Variants in DGKB observed in about 807,000 individuals in gnomAD.
DGKB encodes the protein 90 kDa diacylglycerol kinase.
Under a neutral mutation model 114.3 loss-of-function variants are expected in DGKB, and 67 were observed. The observed-to-expected ratio is 0.59, with a 90% CI of 0.48 to 0.72. DGKB has a LOEUF of 0.72. DGKB is among the 30% of genes least tolerant of loss of function. The pLI, the probability that DGKB is intolerant of heterozygous loss-of-function variation, is 0.00. For synonymous variants in DGKB, 398 were observed against 323.1 expected (o/e 1.23, Z -2.49); for missense variants, 907 against 975.2 (o/e 0.93, Z 0.93).
intron 14 of DGKB, among the ~76,000 whole-genome samples, chr7:14,625,214 C>G (rs907882900): frequency 4.6e-5 from 7 of 152,010 alleles, no homozygotes; most frequent in African/African-American, 1.7e-4. Context: ...CACAGACACA[C>G]GCATCAAGAA....
chr7:14,275,227 A>T (rs139822867), intron 23 of DGKB, among the ~76,000 whole-genome samples: 3 of 152,080 alleles, frequency 2.0e-5, no homozygotes, highest in Non-Finnish European at 2.9e-5. Context: ...TTAAATGTGC[A>T]TATCTTCTCA....
intron 20 of DGKB, among the ~76,000 whole-genome samples, chr7:14,542,525 A>G (rs1793628570): frequency 6.6e-6 from 1 of 152,148 alleles, no homozygotes; most frequent in Non-Finnish European, 1.5e-5. Flanking sequence ...ATCCTAGAGA[A>G]GAAGATTTTC....
intron 20 of DGKB, among the ~76,000 whole-genome samples, chr7:14,513,630 C>T (rs186663969): frequency 6.6e-6 from 1 of 151,954 alleles, no homozygotes; most frequent in East Asian, 1.9e-4. Context: ...AGTTGAAGGT[C>T]ATTTTTAAAC....
chr7:14,406,061 A>C (rs183342555), intron 21 of DGKB, among the ~76,000 whole-genome samples: 29 of 152,132 alleles, frequency 1.9e-4, no homozygotes, highest in Admixed American at 3.3e-4. Context: ...GGTATATTCA[A>C]GAGAAGTTGG....
At chr7:14,572,984 A>T (rs1416498949) in intron 20 of DGKB, among the ~76,000 whole-genome samples, 1 of 152,170 alleles carries the variant, frequency 6.6e-6, no homozygotes, top group East Asian at 1.9e-4. Context: ...AAACTGGGAA[A>T]AAGAGCCAAG....
intron 17 of DGKB, among the ~76,000 whole-genome samples, chr7:14,605,209 T>C (rs1273715066): frequency 6.6e-6 from 1 of 151,992 alleles, no homozygotes; most frequent in Non-Finnish European, 1.5e-5. Context: ...ATGCAGCAGT[T>C]AGAAAAATGA....
chr7:14,777,008 T>G (rs1838302289), intron 2 of DGKB, among the ~76,000 whole-genome samples: 1 of 152,216 alleles, frequency 6.6e-6, no homozygotes, highest in African/African-American at 2.4e-5. Context: ...CTTGCATCAG[T>G]ATGACCTGGA....
At chr7:14,451,583 T>A (rs559562996) in intron 21 of DGKB, among the ~76,000 whole-genome samples, 20 of 145,732 alleles carry the variant, frequency 1.4e-4, no homozygotes, top group African/African-American at 5.2e-4. Context: ...CTCCATCTAA[T>A]CTCCAATTAG....
chr7:14,820,257 C>T (rs926619464), intron 2 of DGKB, among the ~76,000 whole-genome samples: 17 of 152,000 alleles, frequency 1.1e-4, no homozygotes, highest in African/African-American at 3.1e-4. Context: ...TTTTTAAAAA[C>T]ACCTTTTAGA....
intron 23 of DGKB, among the ~76,000 whole-genome samples, chr7:14,286,686 T>C (rs1203497982): frequency 6.6e-6 from 1 of 152,164 alleles, no homozygotes; most frequent in East Asian, 1.9e-4. Context: ...TCTTTCTGGA[T>C]AGGAAACTTT....
At chr7:14,840,988 T>C (rs878961660) in intron 2 of DGKB, among the ~76,000 whole-genome samples, 1 of 152,108 alleles carries the variant, frequency 6.6e-6, no homozygotes, top group South Asian at 2.1e-4. Context: ...TTCCTTTCCT[T>C]CAAGATGTAA....
rs1363403367 is a variant in DGKB at position 14,939,307 on chromosome 7, T to C, written c.-188+35389A>G. Among the ~76,000 whole-genome samples the C allele has an allele frequency of 5.9e-5, 9 of 152,282 alleles. No individual in the cohort carries two copies. The East Asian group carries it at 9.6e-4, about 16-fold the overall frequency. On this transcript the variant is annotated intron_variant, in intron 1 of 4. Transcript: ENST00000437998. Reference sequence around the variant, plus strand: ...AGTCTAGCGCATGCCAAGCCTACAATAGATGTTCAGTAAATGTTTGTTGAG... The same window carrying C: ...AGTCTAGCGCATGCCAAGCCTACAACAGATGTTCAGTAAATGTTTGTTGAG...
intron 2 of DGKB, among the ~76,000 whole-genome samples, chr7:14,831,927 G>A (rs1257922141): frequency 1.3e-5 from 2 of 151,384 alleles, no homozygotes; most frequent in East Asian, 3.9e-4. Flanking sequence ...TCTCACCAAA[G>A]CAAATTGCAA....
intron 20 of DGKB, among the ~76,000 whole-genome samples, chr7:14,519,552 A>C (rs1789402708): frequency 6.6e-6 from 1 of 152,084 alleles, no homozygotes; most frequent in Non-Finnish European, 1.5e-5. Context: ...TGAATATTAC[A>C]TACAACTATT....
At chr7:14,773,588 A>C (rs1837727920) in intron 2 of DGKB, among the ~76,000 whole-genome samples, 1 of 152,138 alleles carries the variant, frequency 6.6e-6, no homozygotes, top group African/African-American at 2.4e-5. Context: ...ACTAAACTGG[A>C]ACAGTGTAGT....
Position 14,150,374 on chromosome 7 carries a change from C to T in DGKB, c.2305-1136G>A, listed in dbSNP as rs974944541. Reference sequence around the variant, plus strand: ...GTTAAAATGAATATCCTTCACTTGTCATTCACTAATAGCAATGAAACAAAA... The same window carrying T: ...GTTAAAATGAATATCCTTCACTTGTTATTCACTAATAGCAATGAAACAAAA... On this transcript the variant is annotated intron_variant, in intron 25 of 25. Transcript: ENST00000402815. Among the ~76,000 whole-genome samples the T allele has an allele frequency of 5.3e-5, 8 of 152,178 alleles. No homozygotes were observed. In the South Asian group the frequency reaches 1.7e-3, roughly 32 times the overall value.
At chr7:14,934,857 A>T (rs867578396) in intron 1 of DGKB, among the ~76,000 whole-genome samples, 1 of 152,186 alleles carries the variant, frequency 6.6e-6, no homozygotes, top group East Asian at 1.9e-4. Flanking sequence ...CCAAGTTTTT[A>T]AATTTAATGC....
chr7:14,388,230 C>T (rs1159804930), intron 21 of DGKB, among the ~76,000 whole-genome samples: 2 of 146,714 alleles, frequency 1.4e-5, no homozygotes, highest in Admixed American at 6.9e-5. Flanking sequence ...AAATCTTCTG[C>T]AGATTTGGTA....
At chr7:14,850,769 T>C (rs185200022) in intron 1 of DGKB, among the ~76,000 whole-genome samples, 2 of 152,314 alleles carry the variant, frequency 1.3e-5, no homozygotes, top group African/African-American at 4.8e-5. Flanking sequence ...TACTATTCAT[T>C]AACTTAGAGC....
Sources: gnomAD v4.1 joint callset for allele counts (sites outside exome capture counted in the v4.1 genomes callset) on GRCh38, gnomAD v4.1.1 for gene constraint, MANE v1.5 for transcripts, NCBI Gene and HGNC (gene_info 2026-07-23, HGNC 2026-07-21) for gene names.